The following DNAH14 variants were observed in gnomAD, a reference collection of about 807,000 sequenced individuals.
The protein encoded by DNAH14 is axonemal beta dynein heavy chain 14.
A neutral mutation model predicts 520.9 loss-of-function variants in DNAH14; 478 were observed. The ratio of observed to expected loss-of-function variants is 0.92; its 90% CI spans 0.85 to 0.99. The LOEUF is 0.99. Among genes scored for constraint, DNAH14 ranks in the 50% least tolerant of loss-of-function variants. The pLI, the probability that DNAH14 is intolerant of heterozygous loss-of-function variation, is 0.00. For synonymous variants in DNAH14, 1,581 were observed against 1,757.2 expected (o/e 0.90, Z 2.51); for missense variants, 4,831 against 5,234.5 (o/e 0.92, Z 2.38).
chr1:224,929,776 G>C lies in DNAH14; in HGVS notation c.-93G>C, dbSNP rs1318983440. 1.4e-6 allele frequency: 1 copy of C among 701,264 alleles called. No homozygotes were observed. The highest frequency in any genetic ancestry group is 2.6e-6 in the Non-Finnish European group (1 of 384,156). The allele number at this position is 701,264 out of a possible 1,614,324, so 43.4% of individuals were successfully genotyped here. ...AGTCTGGCGCTCGCCGGCGTGGGCG[G>C]GCCGGACCTTCGCCGCTTCCAGGAA... On this transcript the variant is annotated 5_prime_UTR_variant, in exon 1 of 86. Transcript: ENST00000682510.
intron 23 of DNAH14, among the ~76,000 whole-genome samples, chr1:225,109,729 T>G (rs1286102849): frequency 6.6e-6 from 1 of 152,156 alleles, no homozygotes; most frequent in African/African-American, 2.4e-5. Context: ...CAGCTAGGAC[T>G]TCCAGTGTTA....
chr1:224,996,399 G>C (rs553825150), intron 8 of DNAH14, among the ~76,000 whole-genome samples: 1 of 152,218 alleles, frequency 6.6e-6, no homozygotes, highest in South Asian at 2.1e-4. Context: ...GGGCTCAAGT[G>C]ATCTACCTGC....
intron 41 of DNAH14, among the ~76,000 whole-genome samples, chr1:225,211,112 A>G (rs1208556944): frequency 2.0e-5 from 3 of 152,226 alleles, no homozygotes; most frequent in Non-Finnish European, 4.4e-5. Context: ...AAAGGATTAC[A>G]ATTCCTCGCC....
chr1:225,239,522 C>A (rs1433570463), intron 42 of DNAH14, among the ~76,000 whole-genome samples: 1 of 152,154 alleles, frequency 6.6e-6, no homozygotes, highest in Admixed American at 6.5e-5. Context: ...CCTAGTCAGT[C>A]CCAGTGAGAG....
intron 81 of DNAH14, among the ~76,000 whole-genome samples, chr1:225,384,995 C>G (rs1268905747): frequency 1.2e-4 from 19 of 152,280 alleles, no homozygotes; most frequent in Non-Finnish European, 1.2e-4. Context: ...TACTGGCAAA[C>G]CGAATCCAGT....
intron 13 of DNAH14, 50 bp downstream of exon 13, chr1:225,043,164 T>A (rs937172636): frequency 6.7e-7 from 1 of 1,493,618 alleles, no homozygotes; most frequent in Non-Finnish European, 8.9e-7. Flanking sequence ...GTGTGGTGGC[T>A]CATGCCTGCA....
chr1:225,298,233 C>G (rs1344932744), intron 55 of DNAH14, among the ~76,000 whole-genome samples: 2 of 152,102 alleles, frequency 1.3e-5, no homozygotes, highest in African/African-American at 2.4e-5. Flanking sequence ...TTCTCAGGAC[C>G]TGACTGTGGG....
At chr1:225,295,746 T>C (rs1218188229) in intron 55 of DNAH14, among the ~76,000 whole-genome samples, 1 of 152,238 alleles carries the variant, frequency 6.6e-6, no homozygotes, top group Non-Finnish European at 1.5e-5. Flanking sequence ...AAATGTTCTT[T>C]AAGTGTCTGT....
At position 225,322,706 on chromosome 1, in the gene DNAH14, T is replaced by A; in HGVS notation, c.9378T>A (p.Asn3126Lys). The change falls in exon 62 of 86, where the codon AAT (asparagine) becomes AAA (lysine). Residue 3126 changes from asparagine (N) to lysine (K), a missense_variant. Coordinates refer to ENST00000682510, the MANE Select transcript of DNAH14 (RefSeq NM_001367479.1). ...CCTTCCTTGTACTGACTGTCATGAATGCAGTGTGTATTCTTCTGCAAAAGA... is the reference window on the plus strand; with the variant it reads ...CCTTCCTTGTACTGACTGTCATGAAAGCAGTGTGTATTCTTCTGCAAAAGA... Reference protein sequence around the residue: ...RPPFLVLTVMNAVCILLQKKP... With the variant: ...RPPFLVLTVMKAVCILLQKKP... 6.4e-7 allele frequency: 1 copy of A among 1,550,944 alleles called. No individual in the cohort carries two copies. The highest frequency in any genetic ancestry group is 8.7e-7 in the Non-Finnish European group (1 of 1,146,372).
At chr1:225,107,187 C>T (rs931679092) in intron 23 of DNAH14, among the ~76,000 whole-genome samples, 1 of 152,208 alleles carries the variant, frequency 6.6e-6, no homozygotes, top group Non-Finnish European at 1.5e-5. Context: ...GGCTGCAGAA[C>T]AGCAGATATT....
intron 36 of DNAH14, among the ~76,000 whole-genome samples, chr1:225,176,397 T>A (rs1358207949): frequency 6.6e-6 from 1 of 152,238 alleles, no homozygotes; most frequent in Non-Finnish European, 1.5e-5. Flanking sequence ...AAATGTTCCA[T>A]GTGCTGTTAA....
intron 82 of DNAH14, 133 bp downstream of exon 82, chr1:225,388,624 A>G (rs1487063739): frequency 9.3e-6 from 5 of 535,222 alleles, no homozygotes; most frequent in African/African-American, 5.6e-5. Flanking sequence ...AGGGATTCTT[A>G]TCTTCTGTTT....
chr1:225,159,168 C>T (rs776450475), intron 34 of DNAH14, 146 bp from the exon 35 acceptor site: 1 of 643,430 alleles, frequency 1.6e-6, no homozygotes, highest in Non-Finnish European at 2.6e-6. Context: ...TAATTCCACC[C>T]AAACCATATG....
At chr1:224,953,285 G>C (rs937673568) in intron 2 of DNAH14, among the ~76,000 whole-genome samples, 3 of 151,898 alleles carry the variant, frequency 2.0e-5, no homozygotes, top group African/African-American at 7.3e-5. Flanking sequence ...ACCACACCTG[G>C]CTAATTTTTT....
intron 23 of DNAH14, among the ~76,000 whole-genome samples, chr1:225,114,871 A>G (rs1468047211): frequency 1.3e-5 from 2 of 152,168 alleles, no homozygotes; most frequent in Admixed American, 1.3e-4. Context: ...GGCTTCAGCA[A>G]TTCAAGACTG....
At chr1:225,004,750 A>G (rs556266391) in intron 9 of DNAH14, among the ~76,000 whole-genome samples, 1 of 152,172 alleles carries the variant, frequency 6.6e-6, no homozygotes, top group Non-Finnish European at 1.5e-5. Flanking sequence ...CAAGGTGGCC[A>G]GTTGTGCATT....
chr1:225,244,967 C>G (rs2092195435), intron 43 of DNAH14, among the ~76,000 whole-genome samples: 1 of 152,172 alleles, frequency 6.6e-6, no homozygotes, highest in Admixed American at 6.6e-5. Context: ...ATCTTTCCCG[C>G]TTTCTGATGT....
chr1:224,988,965 C>G (rs913785486), intron 8 of DNAH14, among the ~76,000 whole-genome samples: 2 of 152,200 alleles, frequency 1.3e-5, no homozygotes, highest in African/African-American at 4.8e-5. Context: ...GGAGCCTACT[C>G]CAGCAGTAAT....
intron 15 of DNAH14, among the ~76,000 whole-genome samples, chr1:225,044,810 G>T (rs1434886397): frequency 6.6e-6 from 1 of 152,068 alleles, no homozygotes; most frequent in East Asian, 1.9e-4. Flanking sequence ...TTTGGTAAGG[G>T]TTTCTTGCTG....
Sources: allele counts gnomAD v4.1 joint callset (sites outside exome capture counted in the v4.1 genomes callset), GRCh38; gene constraint gnomAD v4.1.1; transcripts MANE v1.5; gene names NCBI Gene and HGNC (gene_info 2026-07-23, HGNC 2026-07-21).